Variants in SOCS6 observed in about 807,000 individuals in gnomAD.
SOCS6 encodes suppressor of cytokine signaling 6.
A neutral mutation model predicts 27.7 loss-of-function variants in SOCS6; 5 were observed. The observed-to-expected ratio is 0.18, with a 90% CI of 0.09 to 0.38. The LOEUF is 0.38. Among genes scored for constraint, SOCS6 ranks in the 10% least tolerant of loss-of-function variants. The pLI, the probability that SOCS6 is intolerant of heterozygous loss-of-function variation, is 1.00. For missense variants in SOCS6, 595 were observed against 688.1 expected (o/e 0.86, Z 1.51); for synonymous variants, 271 against 260.0 (o/e 1.04, Z -0.41).
At chr18:70,305,182 T>A (rs2146272633) in intron 1 of SOCS6, among the ~76,000 whole-genome samples, 3 of 152,158 alleles carry the variant, frequency 2.0e-5, no homozygotes, top group Admixed American at 2.0e-4. Context: ...CACTCCAACC[T>A]GAGCAACAGA....
At chr18:70,300,421 G>A (rs542333402) in intron 1 of SOCS6, among the ~76,000 whole-genome samples, 4 of 152,190 alleles carry the variant, frequency 2.6e-5, no homozygotes, top group Admixed American at 6.5e-5. Context: ...GAGCCACCGC[G>A]CCCAGCCTCA....
chr18:70,318,851 A>G (rs7244655), intron 1 of SOCS6, among the ~76,000 whole-genome samples: 115,673 of 151,904 alleles, frequency 0.76, 44,271 homozygotes, highest in East Asian at 0.93. Context: ...CAGGAGAATC[A>G]CTTGAAACTG....
chr18:70,293,829 G>A (rs1170840515), intron 1 of SOCS6, among the ~76,000 whole-genome samples: 1 of 152,116 alleles, frequency 6.6e-6, no homozygotes, highest in Non-Finnish European at 1.5e-5. Context: ...GCGGTGGCTC[G>A]CGCCTGTAAT....
intron 1 of SOCS6, among the ~76,000 whole-genome samples, chr18:70,321,486 A>ATTTTTTTTTTTTTTTTTTTT (rs765150837): frequency 1.8e-5 from 2 of 112,658 alleles, no homozygotes; most frequent in African/African-American, 7.1e-5. Context: ...ATGCCTGGCT[A>ATTTTTTTTTTTTTTTTTTTT]TTTTTTTTTT....
At chr18:70,298,160 T>C (rs1600149821) in intron 1 of SOCS6, among the ~76,000 whole-genome samples, 1 of 122,200 alleles carries the variant, frequency 8.2e-6, no homozygotes, top group South Asian at 3.1e-4. Flanking sequence ...CAAATTACTT[T>C]TAATCTTAAA....
chr18:70,303,756 A>C (rs139578523), intron 1 of SOCS6, among the ~76,000 whole-genome samples: 3 of 152,176 alleles, frequency 2.0e-5, no homozygotes. Context: ...GCACTACTGC[A>C]CTCCAGCCTG....
intron 1 of SOCS6, among the ~76,000 whole-genome samples, chr18:70,323,512 T>G (rs1257065828): frequency 6.6e-6 from 1 of 152,198 alleles, no homozygotes; most frequent in Non-Finnish European, 1.5e-5. Context: ...GCAATAATAA[T>G]TCTGGAAATA....
intron 1 of SOCS6, among the ~76,000 whole-genome samples, chr18:70,292,174 A>G (rs2062302591): frequency 6.6e-6 from 1 of 152,188 alleles, no homozygotes; most frequent in Non-Finnish European, 1.5e-5. Context: ...AAGTCACGTA[A>G]GATTTCAGTT....
intron 1 of SOCS6, among the ~76,000 whole-genome samples, chr18:70,321,530 C>A (rs1408029125): frequency 7.7e-6 from 1 of 130,250 alleles, no homozygotes; most frequent in African/African-American, 3.0e-5. Context: ...GATGGGGTTT[C>A]ACCACGTTGG....
At chr18:70,316,843 G>A (rs2062413449) in intron 1 of SOCS6, among the ~76,000 whole-genome samples, 1 of 151,986 alleles carries the variant, frequency 6.6e-6, no homozygotes, top group African/African-American at 2.4e-5. Flanking sequence ...CTAAATGTAG[G>A]ACCAGTGTGT....
intron 1 of SOCS6, among the ~76,000 whole-genome samples, chr18:70,290,740 G>A (rs1382203898): frequency 2.0e-5 from 3 of 152,174 alleles, no homozygotes; most frequent in African/African-American, 7.2e-5. Context: ...GGTCAGCCAG[G>A]TATTCACCCG....
At chr18:70,315,175 T>C (rs2062406741) in intron 1 of SOCS6, among the ~76,000 whole-genome samples, 2 of 152,158 alleles carry the variant, frequency 1.3e-5, no homozygotes, top group South Asian at 4.1e-4. Flanking sequence ...TGGTCGTCTT[T>C]GTCAAATTTT....
rs1342305343 is a variant in SOCS6 at position 70,324,537 on chromosome 18, T to C, written c.-126-6T>C. ...ATATGACTCTTTTTATATTTTTATT[T>C]TTTAGAAAATGGCTCCAAAGGTTAA... is the stretch of plus-strand genomic sequence containing the variant. On this transcript the variant is annotated splice_region_variant and splice_polypyrimidine_tract_variant and intron_variant, in intron 1 of 1. Transcript: ENST00000397942. 6.3e-6 allele frequency: 4 copies of C among 632,268 alleles called. No individual in the cohort carries two copies. The highest frequency in any genetic ancestry group is 1.1e-5 in the Non-Finnish European group (4 of 375,164). The allele number at this position is 632,268 out of a possible 1,614,324, so 39.2% of individuals were successfully genotyped here.
At chr18:70,320,962 G>A (rs1600166965) in intron 1 of SOCS6, among the ~76,000 whole-genome samples, 1 of 152,102 alleles carries the variant, frequency 6.6e-6, no homozygotes, top group African/African-American at 2.4e-5. Context: ...CATGTAATGA[G>A]TATATTGTCA....
At chr18:70,293,752 T>G (rs556406924) in intron 1 of SOCS6, among the ~76,000 whole-genome samples, 1 of 152,252 alleles carries the variant, frequency 6.6e-6, no homozygotes, top group East Asian at 1.9e-4. Context: ...GTTTTGTTCC[T>G]TTACGTATAT....
chr18:70,290,568 T>C (rs972987404), intron 1 of SOCS6, among the ~76,000 whole-genome samples: 1 of 152,220 alleles, frequency 6.6e-6, no homozygotes, highest in Non-Finnish European at 1.5e-5. Context: ...CATTCAGCTC[T>C]AAATTAAATA....
rs746322550 is a variant in SOCS6 at position 70,325,468 on chromosome 18, G to A, written c.800G>A (p.Ser267Asn). The change falls in exon 2 of 2, where the codon AGT becomes AAT. Residue 267 changes from serine (S) to asparagine (N), a missense_variant. Transcript: ENST00000397942. The surrounding 1 kb of genome is among the most constrained non-coding windows in gnomAD (Gnocchi z 6.3). ...VGGRAFPEDE[S>N]QVDQDLVVAP... is the part of the protein sequence containing the mutation. Reference sequence around the variant, plus strand: ...GGGCGCGCTTTCCCCGAGGATGAGAGTCAGGTAGACCAGGACCTAGTTGTC... The same window carrying A: ...GGGCGCGCTTTCCCCGAGGATGAGAATCAGGTAGACCAGGACCTAGTTGTC... 3.1e-6 allele frequency: 5 copies of A among 1,614,184 alleles called. No homozygotes were observed. The highest frequency in any genetic ancestry group is 2.2e-5 in the East Asian group (1 of 44,876).
chr18:70,292,317 A>G (rs1600145600), intron 1 of SOCS6, among the ~76,000 whole-genome samples: 1 of 152,308 alleles, frequency 6.6e-6, no homozygotes, highest in Middle Eastern at 3.4e-3. Context: ...GTTATAATGA[A>G]TATGTATTTA....
At chr18:70,291,344 C>T (rs1158163606) in intron 1 of SOCS6, among the ~76,000 whole-genome samples, 1 of 152,112 alleles carries the variant, frequency 6.6e-6, no homozygotes, top group Non-Finnish European at 1.5e-5. Flanking sequence ...TCAAGATCCT[C>T]TCACCTCAGC....
Sources: allele counts gnomAD v4.1 joint callset (sites outside exome capture counted in the v4.1 genomes callset), GRCh38; gene constraint gnomAD v4.1.1; non-coding constraint Gnocchi (gnomAD v3.1); transcripts MANE v1.5; gene names NCBI Gene and HGNC (gene_info 2026-07-23, HGNC 2026-07-21).